Variants in STIL observed in about 807,000 individuals in gnomAD.
STIL encodes the protein STIL centriolar assembly protein, also known as SCL-interrupting locus protein.
In STIL, 55 loss-of-function variants were observed where a neutral mutation model predicts 110.1. The observed-to-expected ratio is 0.50, with a 90% CI of 0.40 to 0.63. STIL has a LOEUF of 0.63. STIL is among the 20% of genes least tolerant of loss of function. The pLI is 0.00. For synonymous variants in STIL, 481 were observed against 530.0 expected, an observed-to-expected ratio of 0.91 and a Z score of 1.27; for missense variants, 1,358 against 1,530.0, an observed-to-expected ratio of 0.89 and a Z score of 1.87.
intron 5 of STIL, 36 bp from the exon 6 acceptor site, chr1:47,300,188 T>C (rs757706686): frequency 1.2e-5 from 19 of 1,596,024 alleles, no homozygotes; most frequent in Non-Finnish European, 1.6e-5. Context: ...TTTTAAAACT[T>C]TGAAATGTGC....
Position 47,250,680 on chromosome 1 carries a change from T to C in STIL, c.*456A>G, listed in dbSNP as rs1162367857. On this transcript the variant is annotated 3_prime_UTR_variant, in exon 17 of 17. Coordinates refer to ENST00000371877, the MANE Select transcript of STIL (RefSeq NM_001048166.1). ...CTAAAAATACAAAATTAGCCAGGCGTTGTGGCACATGCCTGTAATCCCAGC... is the reference window on the plus strand; with the variant it reads ...CTAAAAATACAAAATTAGCCAGGCGCTGTGGCACATGCCTGTAATCCCAGC... 6.0e-6 allele frequency: 1 copy of C among 167,050 alleles called. No homozygotes were observed. The highest frequency in any genetic ancestry group is 1.3e-5 in the Non-Finnish European group (1 of 76,860). The allele number at this position is 167,050 out of a possible 1,614,324, so 10.3% of individuals were successfully genotyped here.
chr1:47,310,451 T>C (rs1646090230), intron 1 of STIL, 89 bp from the exon 2 acceptor site: 3 of 752,554 alleles, frequency 4.0e-6, no homozygotes, highest in Non-Finnish European at 6.6e-6. Context: ...ACAGGCAAAA[T>C]TAGATTACTT....
intron 10 of STIL, among the ~76,000 whole-genome samples, chr1:47,285,865 T>A (rs1448468505): frequency 6.6e-6 from 1 of 150,430 alleles, no homozygotes; most frequent in East Asian, 1.9e-4. Context: ...TTAAAACAAT[T>A]TTTTTTTTTT....
At chr1:47,279,020 G>A (rs1022594751) in intron 12 of STIL, among the ~76,000 whole-genome samples, 1 of 151,898 alleles carries the variant, frequency 6.6e-6, no homozygotes, top group Non-Finnish European at 1.5e-5. Flanking sequence ...ATGTATGGCC[G>A]GGCGCGGAGG....
chr1:47,259,892 C>T (rs1430134407), intron 16 of STIL, among the ~76,000 whole-genome samples: 7 of 152,250 alleles, frequency 4.6e-5, no homozygotes, highest in East Asian at 1.9e-4. Flanking sequence ...TTAGATGGCA[C>T]GACTGTGTAA....
At chr1:47,259,278 G>A (rs1380762247) in intron 16 of STIL, among the ~76,000 whole-genome samples, 2 of 122,654 alleles carry the variant, frequency 1.6e-5, no homozygotes, top group South Asian at 2.6e-4. Context: ...GAGGTACCGC[G>A]CCCGGCCTTT....
chr1:47,304,865 T>C (rs1244429556), intron 3 of STIL, 24 bp downstream of exon 3: 2 of 1,526,676 alleles, frequency 1.3e-6, no homozygotes, highest in East Asian at 2.3e-5. Flanking sequence ...CTGGCTTGAT[T>C]TGAAAAAAAG....
Position 47,310,635 on chromosome 1 carries a change from G to T in STIL, c.-43-273C>A, listed in dbSNP as rs568286534. Reference sequence around the variant, plus strand: ...GCTCGGATTCTGCCCCAAAACCTTTGTATCAACTTAGTGAGCTCGGTAAGG... The same window carrying T: ...GCTCGGATTCTGCCCCAAAACCTTTTTATCAACTTAGTGAGCTCGGTAAGG... On this transcript the variant is annotated intron_variant, in intron 1 of 16. Coordinates refer to ENST00000371877, the MANE Select transcript of STIL (RefSeq NM_001048166.1). Among the ~76,000 whole-genome samples the T allele has an allele frequency of 7.2e-5, 11 of 152,206 alleles. No individual in the cohort carries two copies. The East Asian group carries it at 1.7e-3, about 24-fold the overall frequency.
chr1:47,311,036 C>T (rs1183057840), intron 1 of STIL, among the ~76,000 whole-genome samples: 3 of 151,766 alleles, frequency 2.0e-5, no homozygotes, highest in South Asian at 2.1e-4. Flanking sequence ...TTAGTAGAGA[C>T]GGGGTTTCAC....
Position 47,299,758 on chromosome 1 carries a change from C to A in STIL, c.701+147G>T, listed in dbSNP as rs17097016. The A allele has an allele frequency of 9.4e-4, 847 of 899,088 alleles. 7 individuals carry two copies. In the African/African-American group the frequency reaches 0.013, roughly 14 times the overall value. The allele number at this position is 899,088 out of a possible 1,614,324, so 55.7% of individuals were successfully genotyped here. ...AAATTTCATATTCAACGAAAATAAA[C>A]CATTTCATTTTTTACTTTCCCTGGT... On this transcript the variant is annotated intron_variant, in intron 6 of 16. Coordinates refer to ENST00000371877, the MANE Select transcript of STIL (RefSeq NM_001048166.1).
intron 14 of STIL, among the ~76,000 whole-genome samples, chr1:47,268,772 TA>T (rs1557719175): frequency 8.7e-5 from 13 of 149,702 alleles, no homozygotes; most frequent in African/African-American, 3.2e-4. Flanking sequence ...AATAAATAAA[TA>T]AATAAATAAA....
intron 6 of STIL, among the ~76,000 whole-genome samples, chr1:47,297,969 C>G (rs1422584714): frequency 6.6e-6 from 1 of 152,096 alleles, no homozygotes; most frequent in Admixed American, 6.6e-5. Flanking sequence ...AACAAAAAAT[C>G]CCATGCTCCA....
At chr1:47,273,608 A>C (rs986980571) in intron 12 of STIL, among the ~76,000 whole-genome samples, 46 of 152,234 alleles carry the variant, frequency 3.0e-4, no homozygotes, top group African/African-American at 1.1e-3. Context: ...CAGCTGACAG[A>C]CATTTAGGTT....
intron 1 of STIL, among the ~76,000 whole-genome samples, chr1:47,312,043 C>A (rs1570314983): frequency 6.6e-6 from 1 of 152,020 alleles, no homozygotes; most frequent in Admixed American, 6.6e-5. Context: ...GAGCCTCTGT[C>A]TCACTCTGTG....
At chr1:47,279,208 G>A (rs1054053256) in intron 12 of STIL, among the ~76,000 whole-genome samples, 2 of 151,304 alleles carry the variant, frequency 1.3e-5, no homozygotes, top group African/African-American at 2.4e-5. Flanking sequence ...GCGTGAACCC[G>A]GGAGGCGGAG....
chr1:47,251,681 G>A lies in STIL; in HGVS notation c.3322C>T (p.Leu1108Phe), dbSNP rs1386078017. 6.8e-6 allele frequency: 11 copies of A among 1,614,166 alleles called. No individual in the cohort carries two copies. Among genetic ancestry groups the A allele is most frequent in the Non-Finnish European group, 8.5e-6 (10 of 1,180,028 alleles). The change falls in exon 17 of 17, where the codon CTT becomes TTT. Residue 1108 changes from leucine (L) to phenylalanine (F), a missense_variant. Coordinates refer to ENST00000371877, the MANE Select transcript of STIL (RefSeq NM_001048166.1). Reference protein sequence around the residue: ...HINTDRSTVGLSLISPNNMSF... With the variant: ...HINTDRSTVGFSLISPNNMSF... ...ATGTTGTTTGGTGAAATTAAACTAA[G>A]CCCCACTGTGCTTCTGTCTGTATTA... is the stretch of plus-strand genomic sequence containing the variant.
chr1:47,309,052 C>CA (rs879818960), intron 2 of STIL, among the ~76,000 whole-genome samples: 1,209 of 113,306 alleles, frequency 0.011, 10 homozygotes, highest in African/African-American at 0.039. Context: ...ACTCTGTCTC[C>CA]AAAAAAAAAA....
chr1:47,295,995 T>C (rs1384003527), intron 6 of STIL, 147 bp from the exon 7 acceptor site: 1 of 635,720 alleles, frequency 1.6e-6, no homozygotes, highest in Non-Finnish European at 2.8e-6. Context: ...AGAAACTTTT[T>C]ACTGACTCAG....
chr1:47,289,932 C>T (rs1352525054), intron 8 of STIL, among the ~76,000 whole-genome samples: 5 of 115,962 alleles, frequency 4.3e-5, no homozygotes, highest in African/African-American at 2.0e-4. Context: ...AGCAAGACTC[C>T]GTCTCCAAAA....
Sources: gnomAD v4.1 joint callset for allele counts (sites outside exome capture counted in the v4.1 genomes callset) on GRCh38, gnomAD v4.1.1 for gene constraint, MANE v1.5 for transcripts, NCBI Gene and HGNC (gene_info 2026-07-23, HGNC 2026-07-21) for gene names.